PTPRG: variants seen among roughly 807,000 people sequenced by gnomAD.
PTPRG encodes the protein protein tyrosine phosphatase receptor type G, also known as receptor-type tyrosine-protein phosphatase gamma.
PTPRG carries 102 observed loss-of-function variants against 165.3 expected under a neutral mutation model. That is an observed-to-expected ratio of 0.62 (90% CI 0.53 to 0.73). The LOEUF (loss-of-function observed/expected upper bound fraction) is 0.73, where lower values mean the gene tolerates loss of function less well. Ranked by LOEUF, PTPRG falls within the 30% of genes least tolerant of loss-of-function variation. PTPRG has a pLI of 0.00. For missense variants in PTPRG, 1,866 were observed against 1,861.4 expected (o/e 1.00, Z -0.05); for synonymous variants, 675 against 669.5 (o/e 1.01, Z -0.13).
intron 2 of PTPRG, among the ~76,000 whole-genome samples, chr3:61,930,656 G>A (rs538606410): frequency 1.3e-5 from 2 of 152,198 alleles, no homozygotes; most frequent in Non-Finnish European, 2.9e-5. Flanking sequence ...TTTTTGTGGA[G>A]TCAAGCGTCA....
At chr3:61,882,496 A>G (rs6774043) in intron 2 of PTPRG, among the ~76,000 whole-genome samples, 17 of 152,298 alleles carry the variant, frequency 1.1e-4, no homozygotes, top group Non-Finnish European at 1.9e-4. Flanking sequence ...TCATAATTCT[A>G]TCTTGGTGGC....
intron 1 of PTPRG, among the ~76,000 whole-genome samples, chr3:61,563,708 C>T (rs1699829508): frequency 6.6e-6 from 1 of 152,230 alleles, no homozygotes; most frequent in Non-Finnish European, 1.5e-5. Context: ...GTTACAGACG[C>T]CTGTCCTCGG....
chr3:61,801,360 G>C (rs989124222), intron 2 of PTPRG, among the ~76,000 whole-genome samples: 5 of 151,032 alleles, frequency 3.3e-5, no homozygotes, highest in African/African-American at 1.2e-4. Flanking sequence ...CCAGGCTGGA[G>C]AGCAGTGGTG....
At chr3:61,963,883 A>T (rs1173826623) in intron 2 of PTPRG, among the ~76,000 whole-genome samples, 2 of 152,166 alleles carry the variant, frequency 1.3e-5, no homozygotes, top group Admixed American at 1.3e-4. Flanking sequence ...TTAAAAAAAA[A>T]AGACCTCAGA....
At chr3:61,874,543 T>A (rs995044126) in intron 2 of PTPRG, among the ~76,000 whole-genome samples, 2 of 152,010 alleles carry the variant, frequency 1.3e-5, no homozygotes, top group African/African-American at 4.8e-5. Context: ...TAAACACAGA[T>A]ACTCAACCAC....
At chr3:62,288,976 G>C (rs927133146) in intron 28 of PTPRG, among the ~76,000 whole-genome samples, 2 of 152,098 alleles carry the variant, frequency 1.3e-5, no homozygotes, top group African/African-American at 4.8e-5. Context: ...AAGCATTTAA[G>C]ACTTTATAAC....
At chr3:62,065,431 TG>T (rs976060056) in intron 4 of PTPRG, among the ~76,000 whole-genome samples, 2 of 152,164 alleles carry the variant, frequency 1.3e-5, no homozygotes, top group Non-Finnish European at 2.9e-5. Context: ...GTTGAAGTGA[TG>T]GACACTGTTC....
rs553331479 is a variant in PTPRG, at chr3:61,804,264, C to T, written c.190+55282C>T. ...TTAAGATTGATGGATAAAGATGTGA[C>T]TGCCCAGAACTACCTTTGTTCTCTT... On this transcript the variant is annotated intron_variant, in intron 2 of 29. Coordinates refer to ENST00000474889, the MANE Select transcript of PTPRG (RefSeq NM_002841.4). 2.0e-4 allele frequency among the ~76,000 whole-genome samples: 31 copies of T among 152,316 alleles called. No individual in the cohort carries two copies. The South Asian group carries it at 6.0e-3, about 30-fold the overall frequency.
At chr3:61,965,730 A>C (rs2040255963) in intron 2 of PTPRG, among the ~76,000 whole-genome samples, 1 of 152,238 alleles carries the variant, frequency 6.6e-6, no homozygotes, top group African/African-American at 2.4e-5. Flanking sequence ...GCAAGACACT[A>C]AGCATTTCAC....
chr3:61,706,057 A>C (rs1422327172), intron 1 of PTPRG, among the ~76,000 whole-genome samples: 2 of 152,222 alleles, frequency 1.3e-5, no homozygotes, highest in Non-Finnish European at 2.9e-5. Flanking sequence ...TCGGGTCTGC[A>C]GAAAAATGAT....
At chr3:61,828,919 A>C (rs2036190437) in intron 2 of PTPRG, among the ~76,000 whole-genome samples, 1 of 152,138 alleles carries the variant, frequency 6.6e-6, no homozygotes, top group African/African-American at 2.4e-5. Flanking sequence ...ATTTACCTAT[A>C]TGACTGATTC....
Position 61,823,762 on chromosome 3 carries a change from C to A in PTPRG, c.190+74780C>A, listed in dbSNP as rs1220205722. On this transcript the variant is annotated intron_variant, in intron 2 of 29. Transcript: ENST00000474889. ...GCAAGTAGAAATCAATAATGTAGGA[C>A]AACGGAGAAATGCCTTCATTCTTGG... 2.0e-5 allele frequency among the ~76,000 whole-genome samples: 3 copies of A among 152,120 alleles called. No individual in the cohort carries two copies. In the East Asian group the frequency reaches 5.8e-4, roughly 29 times the overall value.
intron 17 of PTPRG, chr3:62,263,225 C>T (rs370081008): frequency 4.5e-6 from 1 of 220,292 alleles, no homozygotes; most frequent in Admixed American, 5.8e-5. Context: ...TGTTTTTAAC[C>T]TGTAAGGGCC....
intron 20 of PTPRG, among the ~76,000 whole-genome samples, chr3:62,269,736 T>C (rs1701999035): frequency 6.6e-6 from 1 of 152,120 alleles, no homozygotes; most frequent in African/African-American, 2.4e-5. Context: ...AAATACTGTT[T>C]TCAGGTTATC....
At chr3:62,036,518 T>C (rs930890355) in intron 4 of PTPRG, among the ~76,000 whole-genome samples, 1 of 152,216 alleles carries the variant, frequency 6.6e-6, no homozygotes, top group Non-Finnish European at 1.5e-5. Context: ...GTGATGCTTA[T>C]GGTTTGTCAT....
intron 1 of PTPRG, among the ~76,000 whole-genome samples, chr3:61,699,166 G>A (rs1009729861): frequency 2.0e-5 from 3 of 151,906 alleles, no homozygotes; most frequent in African/African-American, 7.3e-5. Context: ...AACTTAAAGT[G>A]TAATAATAAC....
rs1214303891 is a variant in PTPRG at position 62,213,368 on chromosome 3, C to A, written c.2156-5483C>A. Among the ~76,000 whole-genome samples the A allele has an allele frequency of 6.6e-6, 1 of 152,202 alleles. No individual in the cohort carries two copies. The highest frequency in any genetic ancestry group is 6.5e-5 in the Admixed American group (1 of 15,288). ...ATGCTTGCTTTCATACTGTCTCATACTCTACTGTCACCTTCTCAAAACTCT... is the reference window on the plus strand; with the variant it reads ...ATGCTTGCTTTCATACTGTCTCATAATCTACTGTCACCTTCTCAAAACTCT... On this transcript the variant is annotated intron_variant, in intron 12 of 29. Transcript: ENST00000474889. The surrounding 1 kb of genome is among the most constrained non-coding windows in gnomAD (Gnocchi z 4.4).
intron 2 of PTPRG, among the ~76,000 whole-genome samples, chr3:61,899,377 A>G (rs1362021647): frequency 6.6e-6 from 1 of 152,210 alleles, no homozygotes; most frequent in Non-Finnish European, 1.5e-5. Context: ...TTTAGGTAAA[A>G]GGAACGTAAG....
intron 1 of PTPRG, among the ~76,000 whole-genome samples, chr3:61,604,177 A>G (rs1700938128): frequency 6.6e-6 from 1 of 152,184 alleles, no homozygotes; most frequent in Non-Finnish European, 1.5e-5. Context: ...TACAAAAATT[A>G]GCTGGGCATA....
Sources: gnomAD v4.1 joint callset for allele counts (sites outside exome capture counted in the v4.1 genomes callset) on GRCh38, gnomAD v4.1.1 for gene constraint, Gnocchi (gnomAD v3.1) non-coding constraint, MANE v1.5 for transcripts, NCBI Gene and HGNC (gene_info 2026-07-23, HGNC 2026-07-21) for gene names.